The following NEGR1 variants were observed in gnomAD, a reference collection of about 807,000 sequenced individuals.
NEGR1 encodes the protein neuronal growth regulator 1, also known as IgLON family member 4.
A neutral mutation model predicts 40.9 loss-of-function variants in NEGR1; 10 were observed. The observed-to-expected ratio is 0.24, with a 90% CI of 0.15 to 0.42. NEGR1 has a LOEUF of 0.42. NEGR1 is among the 10% of genes least tolerant of loss of function. The probability of loss-of-function intolerance (pLI) is 1.00; values close to 1 mark genes in which losing one functional copy is unlikely to be tolerated. For missense variants in NEGR1, 352 were observed against 438.9 expected (o/e 0.80, Z 1.77); for synonymous variants, 185 against 166.8 (o/e 1.11, Z -0.84).
chr1:72,077,947 T>C (rs1200246811), intron 1 of NEGR1, among the ~76,000 whole-genome samples: 6 of 152,144 alleles, frequency 3.9e-5, no homozygotes, highest in South Asian at 2.1e-4. Flanking sequence ...TTCGGTACAA[T>C]TGTAGTATAG....
chr1:71,737,438 A>T (rs916886550), intron 3 of NEGR1, among the ~76,000 whole-genome samples: 1 of 151,944 alleles, frequency 6.6e-6, no homozygotes, highest in Non-Finnish European at 1.5e-5. Flanking sequence ...TAAGATGTAG[A>T]CATGTTTTTG....
chr1:71,756,400 AC>A (rs66513108), intron 3 of NEGR1, among the ~76,000 whole-genome samples: 56,209 of 136,834 alleles, frequency 0.41, 11,038 homozygotes, highest in East Asian at 0.62. Flanking sequence ...AAAACAAAAA[AC>A]AAAAACAAAC....
chr1:72,077,290 T>C (rs1035429367), intron 1 of NEGR1, among the ~76,000 whole-genome samples: 1 of 152,078 alleles, frequency 6.6e-6, no homozygotes, highest in African/African-American at 2.4e-5. Context: ...GTGTTGAAGA[T>C]GGTGGAACAA....
chr1:71,908,862 A>T (rs1343231453), intron 2 of NEGR1, among the ~76,000 whole-genome samples: 1 of 152,206 alleles, frequency 6.6e-6, no homozygotes, highest in African/African-American at 2.4e-5. Context: ...ACCAAAATAG[A>T]TATTAAATAA....
chr1:71,690,614 G>GAGAGAGAGA (rs1653236234), intron 4 of NEGR1, among the ~76,000 whole-genome samples: 11 of 21,832 alleles, frequency 5.0e-4, no homozygotes, highest in East Asian at 2.4e-3. Context: ...ATATATAGAG[G>GAGAGAGAGA]GAGACAGAGA....
At chr1:71,938,441 A>G (rs1192150268) in intron 1 of NEGR1, among the ~76,000 whole-genome samples, 3 of 148,862 alleles carry the variant, frequency 2.0e-5, no homozygotes, top group Non-Finnish European at 4.5e-5. Flanking sequence ...GGTCATTATA[A>G]AGATTCCTTG....
At chr1:72,025,144 T>C (rs1646795526) in intron 1 of NEGR1, among the ~76,000 whole-genome samples, 1 of 152,174 alleles carries the variant, frequency 6.6e-6, no homozygotes, top group Admixed American at 6.5e-5. Flanking sequence ...CCAAAACATA[T>C]AGATATAGCT....
chr1:71,784,842 C>T (rs566532619), intron 2 of NEGR1, among the ~76,000 whole-genome samples: 61 of 152,174 alleles, frequency 4.0e-4, no homozygotes, highest in African/African-American at 1.3e-3. Flanking sequence ...ATAAAATGAG[C>T]TTTTAAAAGG....
chr1:72,172,335 C>T (rs1166364685), intron 1 of NEGR1, among the ~76,000 whole-genome samples: 2 of 152,014 alleles, frequency 1.3e-5, no homozygotes, highest in Non-Finnish European at 2.9e-5. Context: ...CCACAATGTA[C>T]TCTTCTTCAA....
At chr1:71,807,406 A>G (rs1036173086) in intron 2 of NEGR1, among the ~76,000 whole-genome samples, 1 of 152,166 alleles carries the variant, frequency 6.6e-6, no homozygotes, top group Non-Finnish European at 1.5e-5. Context: ...ACAATAAAAA[A>G]TAACAATAAA....
intron 6 of NEGR1, among the ~76,000 whole-genome samples, chr1:71,559,044 T>TATATATATATAC (rs1488767009): frequency 8.0e-5 from 5 of 62,262 alleles, no homozygotes; most frequent in African/African-American, 2.6e-4. Flanking sequence ...TATATATATA[T>TATATATATATAC]ACACATATAT....
chr1:72,238,056 T>C (rs930373121), intron 1 of NEGR1, among the ~76,000 whole-genome samples: 6 of 151,962 alleles, frequency 3.9e-5, no homozygotes, highest in Non-Finnish European at 7.4e-5. Context: ...CATAAGTTTT[T>C]ATGTGATTTA....
intron 6 of NEGR1, among the ~76,000 whole-genome samples, chr1:71,450,553 T>A (rs1373667799): frequency 6.6e-6 from 1 of 151,856 alleles, no homozygotes; most frequent in Non-Finnish European, 1.5e-5. Flanking sequence ...ATGCCTGTAA[T>A]CCCAGCACTT....
At chr1:71,942,977 A>ATATATATATATATATATATAT (rs1557446726) in intron 1 of NEGR1, among the ~76,000 whole-genome samples, 31 of 119,506 alleles carry the variant, frequency 2.6e-4, no homozygotes, top group Admixed American at 3.5e-4. Context: ...TATATATATA[A>ATATATATATATATATATATAT]GTATATATGT....
chr1:71,954,187 AAC>A (rs1387231302), intron 1 of NEGR1, among the ~76,000 whole-genome samples: 3 of 151,988 alleles, frequency 2.0e-5, no homozygotes, highest in African/African-American at 7.2e-5. Context: ...CACCAAGAGA[AAC>A]ACAGATAAAG....
intron 6 of NEGR1, among the ~76,000 whole-genome samples, chr1:71,493,733 A>C (rs929528649): frequency 2.6e-5 from 4 of 152,174 alleles, no homozygotes; most frequent in African/African-American, 9.7e-5. Context: ...TATTCTGCTC[A>C]TCAACCAAAT....
intron 6 of NEGR1, among the ~76,000 whole-genome samples, chr1:71,461,408 G>T (rs1029419244): frequency 6.6e-6 from 1 of 152,160 alleles, no homozygotes; most frequent in African/African-American, 2.4e-5. Context: ...TGCCAAATTT[G>T]AAGGTCTTAC....
intron 1 of NEGR1, among the ~76,000 whole-genome samples, chr1:72,010,625 C>T (rs373336181): frequency 1.1e-4 from 16 of 151,766 alleles, no homozygotes; most frequent in East Asian, 5.8e-4. Flanking sequence ...CCCCTTTCTC[C>T]ACTCTCCCAC....
chr1:72,076,890 CTTTTTTTTTTT>C (rs56943357), intron 1 of NEGR1, among the ~76,000 whole-genome samples: 4 of 101,692 alleles, frequency 3.9e-5, no homozygotes, highest in Admixed American at 2.4e-4. Context: ...CTCATTTATC[CTTTTTTTTTTT>C]TTTTTTTTTT....
Sources: gnomAD v4.1 joint callset for allele counts (sites outside exome capture counted in the v4.1 genomes callset) on GRCh38, gnomAD v4.1.1 for gene constraint, MANE v1.5 for transcripts, NCBI Gene and HGNC (gene_info 2026-07-23, HGNC 2026-07-21) for gene names.